BRINP3: variants seen among roughly 807,000 people sequenced by gnomAD.
The protein encoded by BRINP3 is BMP/retinoic acid inducible neural specific 3, also known as BMP/retinoic acid-inducible neural-specific protein 3.
BRINP3 carries 19 observed loss-of-function variants against 71.0 expected under a neutral mutation model. The observed-to-expected ratio is 0.27, with a 90% CI of 0.19 to 0.39. The LOEUF (loss-of-function observed/expected upper bound fraction) is 0.39, where lower values mean the gene tolerates loss of function less well. BRINP3 is among the 10% of genes least tolerant of loss of function. The pLI is 1.00. For synonymous variants in BRINP3, 380 were observed against 337.7 expected (o/e 1.13, Z -1.37); for missense variants, 959 against 940.8 (o/e 1.02, Z -0.25).
chr1:190,242,474 C>G (rs1659197268), intron 4 of BRINP3, among the ~76,000 whole-genome samples: 2 of 152,032 alleles, frequency 1.3e-5, no homozygotes, highest in Admixed American at 1.3e-4. Context: ...CACATCTTCA[C>G]ATAAAAAGCA....
At chr1:190,418,959 T>C (rs1198120226) in intron 2 of BRINP3, among the ~76,000 whole-genome samples, 2 of 152,264 alleles carry the variant, frequency 1.3e-5, no homozygotes, top group African/African-American at 4.8e-5. Context: ...TGATTTTTAC[T>C]ATCCATATCA....
intron 7 of BRINP3, among the ~76,000 whole-genome samples, chr1:190,149,262 A>T (rs1656176122): frequency 6.6e-6 from 1 of 152,136 alleles, no homozygotes; most frequent in Non-Finnish European, 1.5e-5. Context: ...TCATCAAGAG[A>T]TATTGGTGGA....
chr1:190,352,928 A>T (rs1285618594), intron 2 of BRINP3, among the ~76,000 whole-genome samples: 1 of 151,830 alleles, frequency 6.6e-6, no homozygotes, highest in Non-Finnish European at 1.5e-5. Flanking sequence ...TGAAAGTTAG[A>T]ATTGTGTCTG....
intron 3 of BRINP3, among the ~76,000 whole-genome samples, chr1:190,266,981 G>A (rs538484250): frequency 6.6e-6 from 1 of 152,262 alleles, no homozygotes; most frequent in African/African-American, 2.4e-5. Context: ...TGTAGTGCTA[G>A]TAACAGAAAC....
intron 2 of BRINP3, among the ~76,000 whole-genome samples, chr1:190,282,484 CT>C (rs1663115530): frequency 6.6e-6 from 1 of 151,860 alleles, no homozygotes; most frequent in Admixed American, 6.6e-5. Context: ...GATAATTTTT[CT>C]GAGAAGTGGT....
chr1:190,182,248 T>C (rs1467079726), intron 6 of BRINP3, among the ~76,000 whole-genome samples: 1 of 152,084 alleles, frequency 6.6e-6, no homozygotes, highest in African/African-American at 2.4e-5. Context: ...TTGAAAATTC[T>C]CTGCTATTGT....
At chr1:190,416,442 T>C (rs1177988056) in intron 2 of BRINP3, among the ~76,000 whole-genome samples, 1 of 152,098 alleles carries the variant, frequency 6.6e-6, no homozygotes, top group Non-Finnish European at 1.5e-5. Flanking sequence ...CTGCTGCCCC[T>C]AGAGGAGTTG....
chr1:190,160,733 T>C lies in BRINP3; in HGVS notation c.1119A>G (p.Val373=). 1 of 1,613,616 alleles carries C rather than the reference T, an allele frequency of 6.2e-7. No homozygotes were observed. The highest frequency in any genetic ancestry group is 8.5e-7 in the Non-Finnish European group (1 of 1,179,702). ...TCTTGCTAAGGCTAAAAAGCTTGTGTACAATTTTCTGCGCCTTTAGGAAAA... is the reference window on the plus strand; with the variant it reads ...TCTTGCTAAGGCTAAAAAGCTTGTGCACAATTTTCTGCGCCTTTAGGAAAA... ...KQLFLKAQKI[V]HKLFSLSKRC... The change falls in exon 7 of 8, where the codon GTA becomes GTG. Residue 373 remains valine (V), a synonymous_variant. Transcript: ENST00000367462.
Position 190,353,100 on chromosome 1 carries a change from C to T in BRINP3, c.237-71350G>A, listed in dbSNP as rs181888174. 3.7e-4 allele frequency among the ~76,000 whole-genome samples: 56 copies of T among 151,322 alleles called. 1 individual carries two copies. In the East Asian group the frequency reaches 0.01, roughly 27 times the overall value. On this transcript the variant is annotated intron_variant, in intron 2 of 7. Coordinates refer to ENST00000367462, the MANE Select transcript of BRINP3 (RefSeq NM_199051.3). The stretch of plus-strand genomic sequence containing the variant: ...AGCATTTTAACAAAAATGATATATG[C>T]AGGCTCTCACCAGAGAACATGTTGT...
chr1:190,363,706 G>A (rs535242321), intron 2 of BRINP3, among the ~76,000 whole-genome samples: 2 of 152,298 alleles, frequency 1.3e-5, no homozygotes, highest in East Asian at 3.9e-4. Flanking sequence ...CTGGGAGATA[G>A]CAATGGAGAG....
chr1:190,190,725 ATACT>A (rs1653963106), intron 6 of BRINP3, among the ~76,000 whole-genome samples: 2 of 152,114 alleles, frequency 1.3e-5, no homozygotes, highest in Admixed American at 6.6e-5. Context: ...TTGAAATAAA[ATACT>A]TACTGTATTG....
At chr1:190,309,280 T>C (rs1271640905) in intron 2 of BRINP3, among the ~76,000 whole-genome samples, 3 of 151,810 alleles carry the variant, frequency 2.0e-5, no homozygotes, top group East Asian at 3.9e-4. Context: ...AGAATGGTAG[T>C]TGTCGGGAGA....
intron 2 of BRINP3, among the ~76,000 whole-genome samples, chr1:190,308,515 A>G (rs1377932948): frequency 2.0e-5 from 3 of 151,682 alleles, no homozygotes; most frequent in Non-Finnish European, 4.4e-5. Flanking sequence ...GGGGGGAGGG[A>G]TAGCATTAGG....
At chr1:190,378,897 A>G (rs1670344318) in intron 2 of BRINP3, among the ~76,000 whole-genome samples, 1 of 152,136 alleles carries the variant, frequency 6.6e-6, no homozygotes, top group Non-Finnish European at 1.5e-5. Context: ...CCCCAGTAGG[A>G]CTTGCTTGGC....
chr1:190,217,428 A>G (rs1656508369), intron 6 of BRINP3, among the ~76,000 whole-genome samples: 1 of 152,032 alleles, frequency 6.6e-6, no homozygotes, highest in South Asian at 2.1e-4. Context: ...ACTAGTTTTA[A>G]AAAGAGTCCA....
At chr1:190,120,753 C>T (rs1005444529) in intron 7 of BRINP3, among the ~76,000 whole-genome samples, 14 of 151,846 alleles carry the variant, frequency 9.2e-5, no homozygotes, top group African/African-American at 3.4e-4. Flanking sequence ...TCCACCGCCT[C>T]GGCCTCCCAA....
At chr1:190,376,088 C>T (rs1242737883) in intron 2 of BRINP3, among the ~76,000 whole-genome samples, 1 of 152,010 alleles carries the variant, frequency 6.6e-6, no homozygotes, top group Non-Finnish European at 1.5e-5. Context: ...TTGCCAAGAC[C>T]ACAGAACAGT....
intron 1 of BRINP3, chr1:190,474,776 T>C (rs2102726779): frequency 6.6e-6 from 1 of 152,104 alleles, no homozygotes; most frequent in East Asian, 1.9e-4. Context: ...GGTTCAACTC[T>C]TGGGGACTAG....
At chr1:190,288,708 G>A (rs1019470538) in intron 2 of BRINP3, among the ~76,000 whole-genome samples, 4 of 151,756 alleles carry the variant, frequency 2.6e-5, no homozygotes, top group Admixed American at 6.6e-5. Flanking sequence ...TGTGAAGTGG[G>A]TTTTTTGTGC....
Sources: allele counts gnomAD v4.1 joint callset (sites outside exome capture counted in the v4.1 genomes callset), GRCh38; gene constraint gnomAD v4.1.1; transcripts MANE v1.5; gene names NCBI Gene and HGNC (gene_info 2026-07-23, HGNC 2026-07-21).